The following PCDH15 variants were observed in gnomAD, a reference collection of about 807,000 sequenced individuals.
PCDH15 encodes protocadherin-15.
A neutral mutation model predicts 178.5 loss-of-function variants in PCDH15; 129 were observed. That is an observed-to-expected ratio of 0.72 (90% confidence interval 0.63 to 0.84). PCDH15 has a LOEUF of 0.84. Among genes scored for constraint, PCDH15 ranks in the 40% least tolerant of loss-of-function variants. The pLI, the probability that PCDH15 is intolerant of heterozygous loss-of-function variation, is 0.00. For synonymous variants in PCDH15, 800 were observed against 732.0 expected, an observed-to-expected ratio of 1.09 and a Z score of -1.50; for missense variants, 2,230 against 2,099.9, an observed-to-expected ratio of 1.06 and a Z score of -1.21.
chr10:55,542,476 T>A (rs1841787237), intron 2 of PCDH15, among the ~76,000 whole-genome samples: 1 of 150,920 alleles, frequency 6.6e-6, no homozygotes, highest in African/African-American at 2.4e-5. Flanking sequence ...TTAATATGCT[T>A]AATTTTGTGG....
chr10:55,600,194 A>G (rs574254784), intron 2 of PCDH15, among the ~76,000 whole-genome samples: 2 of 151,930 alleles, frequency 1.3e-5, no homozygotes, highest in Admixed American at 6.6e-5. Flanking sequence ...AAAACCCTGT[A>G]TCTACTAAAA....
rs543991948 is a variant in PCDH15, at chr10:55,421,536, C to CT, written c.-156+206088dup. ...ATACTAGATTTGAATCTATCTTCTA[C>CT]TAATAACATATCTGGAATTCAAATA... On this transcript the variant is annotated intron_variant, in intron 2 of 5. Coordinates refer to the PCDH15 transcript ENST00000613346. 9.1e-4 allele frequency among the ~76,000 whole-genome samples: 136 copies of CT among 149,222 alleles called. 1 individual carries two copies. The highest frequency in any genetic ancestry group is 2.0e-3 in the Admixed American group (30 of 14,810).
intron 1 of PCDH15, among the ~76,000 whole-genome samples, chr10:55,300,081 A>G (rs1042308127): frequency 1.3e-5 from 2 of 152,190 alleles, no homozygotes; most frequent in African/African-American, 4.8e-5. Context: ...GCTTTTTAAA[A>G]TACTTATTAC....
At chr10:53,891,258 A>C (rs962040867) in intron 26 of PCDH15, among the ~76,000 whole-genome samples, 2 of 152,172 alleles carry the variant, frequency 1.3e-5, no homozygotes, top group Non-Finnish European at 2.9e-5. Flanking sequence ...TTTCAGAAAA[A>C]TTCTGAGATT....
rs998877375 is a variant in PCDH15 at position 53,895,494 on chromosome 10, A to G, written c.3501+7749T>C. 6.6e-5 allele frequency among the ~76,000 whole-genome samples: 10 copies of G among 152,228 alleles called. 1 individual carries two copies. Among genetic ancestry groups the G allele is most frequent in the Admixed American group, 5.2e-4 (8 of 15,288 alleles). On this transcript the variant is annotated intron_variant, in intron 26 of 37. Coordinates refer to ENST00000644397, the MANE Select transcript of PCDH15 (RefSeq NM_001384140.1). Reference sequence around the variant, plus strand: ...TCTTTTTAACTTTCAGTAGAGATCAAATCAACATTATAACTCAATTCTTCT... The same window carrying G: ...TCTTTTTAACTTTCAGTAGAGATCAGATCAACATTATAACTCAATTCTTCT...
At chr10:54,029,291 A>G (rs2093221171) in intron 18 of PCDH15, among the ~76,000 whole-genome samples, 1 of 152,190 alleles carries the variant, frequency 6.6e-6, no homozygotes, top group African/African-American at 2.4e-5. Flanking sequence ...TATAATGAAA[A>G]TATATATTTT....
At chr10:55,054,418 A>T (rs556175339) in intron 2 of PCDH15, among the ~76,000 whole-genome samples, 1 of 152,154 alleles carries the variant, frequency 6.6e-6, no homozygotes, top group East Asian at 1.9e-4. Flanking sequence ...TTCTTTTTTG[A>T]ATCTACTGTT....
chr10:55,159,699 T>C lies in PCDH15; in HGVS notation c.-80+6877A>G, dbSNP rs186699235. Among the ~76,000 whole-genome samples the C allele has an allele frequency of 6.6e-3, 982 of 147,816 alleles. 15 individuals carry two copies. Among genetic ancestry groups the C allele is most frequent in the African/African-American group, 0.018 (746 of 40,832 alleles). ...TTATAAAGAGATATATTTCTTAAGA[T>C]ATATCTATATTATATATAGATATTG... On this transcript the variant is annotated intron_variant, in intron 2 of 5. Transcript: ENST00000458638.
At chr10:53,945,541 T>C (rs1199111722) in intron 23 of PCDH15, among the ~76,000 whole-genome samples, 2 of 152,062 alleles carry the variant, frequency 1.3e-5, no homozygotes, top group African/African-American at 2.4e-5. Context: ...TTGTATCTTT[T>C]GACAAATATC....
At chr10:55,344,333 T>G (rs1206385712) in intron 2 of PCDH15, among the ~76,000 whole-genome samples, 1 of 152,120 alleles carries the variant, frequency 6.6e-6, no homozygotes, top group African/African-American at 2.4e-5. Flanking sequence ...GATTTTGGTT[T>G]GAAGAGATTT....
chr10:53,991,733 A>T (rs892437718), intron 21 of PCDH15, among the ~76,000 whole-genome samples: 1 of 152,064 alleles, frequency 6.6e-6, no homozygotes, highest in African/African-American at 2.4e-5. Flanking sequence ...GGGGACTTGG[A>T]GAACTTTTAT....
chr10:55,391,645 C>T (rs1837795981), intron 2 of PCDH15, among the ~76,000 whole-genome samples: 1 of 151,920 alleles, frequency 6.6e-6, no homozygotes, highest in African/African-American at 2.4e-5. Context: ...CACCACCACA[C>T]CCGCCTAATT....
rs889574813 is a variant in PCDH15 at position 53,811,663 on chromosome 10, T to C, written c.4492-44A>G. ...AATTGCATTTGAAAACGAATTCTTATCACGTTTCAGGTCAAAGTCAGATTT... is the reference window on the plus strand; with the variant it reads ...AATTGCATTTGAAAACGAATTCTTACCACGTTTCAGGTCAAAGTCAGATTT... On this transcript the variant is annotated intron_variant, in intron 35 of 37. Coordinates refer to ENST00000644397, the MANE Select transcript of PCDH15 (RefSeq NM_001384140.1). 1.1e-5 allele frequency: 15 copies of C among 1,309,256 alleles called. No individual in the cohort carries two copies. In the Admixed American group the frequency reaches 1.6e-4, roughly 14 times the overall value. The allele number at this position is 1,309,256 out of a possible 1,614,324, so 81.1% of individuals were successfully genotyped here. A position where few individuals can be genotyped will look rare whatever the true frequency, so the allele number is the denominator to read the frequency against.
chr10:53,841,978 C>A, intron 28 of PCDH15, among the ~76,000 whole-genome samples: 1 of 146,866 alleles, frequency 6.8e-6, no homozygotes, highest in East Asian at 2.0e-4. Flanking sequence ...ACCCCGGGAA[C>A]CTGAAGATAA....
At chr10:54,118,551 T>C (rs2095157011) in intron 15 of PCDH15, among the ~76,000 whole-genome samples, 1 of 152,008 alleles carries the variant, frequency 6.6e-6, no homozygotes, top group Non-Finnish European at 1.5e-5. Context: ...TTCCAGCTAC[T>C]TGGGAGGCTG....
intron 1 of PCDH15, among the ~76,000 whole-genome samples, chr10:55,275,164 C>T (rs1842556001): frequency 6.6e-6 from 1 of 151,426 alleles, no homozygotes; most frequent in South Asian, 2.1e-4. Flanking sequence ...TTCAATTTTG[C>T]AATCTGTTTA....
At chr10:54,790,431 C>A (rs905149309) in intron 1 of PCDH15, among the ~76,000 whole-genome samples, 32 of 151,554 alleles carry the variant, frequency 2.1e-4, no homozygotes, top group African/African-American at 6.5e-4. Context: ...CTCAACTTCC[C>A]AATAGTTAAA....
chr10:53,805,407 T>C lies in PCDH15; in HGVS notation c.*1172A>G, dbSNP rs1841087611. The stretch of plus-strand genomic sequence containing the variant: ...TTTTTTAAAGGATATTCTGTTTTCA[T>C]TTCTACTTATGATGAAACACTGTGC... On this transcript the variant is annotated 3_prime_UTR_variant, in exon 38 of 38. Coordinates refer to ENST00000644397, the MANE Select transcript of PCDH15 (RefSeq NM_001384140.1). 1 of 152,096 alleles carries C rather than the reference T, an allele frequency of 6.6e-6. No homozygotes were observed. The highest frequency in any genetic ancestry group is 6.6e-5 in the Admixed American group (1 of 15,224). 9.4% of individuals were successfully genotyped at this position (152,096 alleles called of 1,614,324 possible). A position where few individuals can be genotyped will look rare whatever the true frequency, so the allele number is the denominator to read the frequency against.
chr10:54,728,202 A>G (rs1942847683), intron 1 of PCDH15, among the ~76,000 whole-genome samples: 1 of 151,572 alleles, frequency 6.6e-6, no homozygotes, highest in South Asian at 2.1e-4. Flanking sequence ...AGCAAACTGA[A>G]TCCAGCAGCA....
Sources: allele counts gnomAD v4.1 joint callset (sites outside exome capture counted in the v4.1 genomes callset), GRCh38; gene constraint gnomAD v4.1.1; transcripts MANE v1.5; gene names NCBI Gene and HGNC (gene_info 2026-07-23, HGNC 2026-07-21).